The following SOX5 variants were observed in gnomAD, a reference collection of about 807,000 sequenced individuals.
SOX5 encodes transcription factor SOX-5.
SOX5 carries 9 observed loss-of-function variants against 92.0 expected under a neutral mutation model. The ratio of observed to expected loss-of-function variants is 0.10; its 90% CI spans 0.06 to 0.17. The LOEUF (loss-of-function observed/expected upper bound fraction) is 0.17, where lower values mean the gene tolerates loss of function less well. Among genes scored for constraint, SOX5 ranks in the 10% least tolerant of loss-of-function variants. SOX5 has a pLI of 1.00. For synonymous variants in SOX5, 344 were observed against 336.3 expected, an observed-to-expected ratio of 1.02 and a Z score of -0.25; for missense variants, 642 against 944.5, an observed-to-expected ratio of 0.68 and a Z score of 4.20.
At chr12:23,791,714 AC>A (rs1429806089) in intron 3 of SOX5, among the ~76,000 whole-genome samples, 1 of 152,150 alleles carries the variant, frequency 6.6e-6, no homozygotes, top group East Asian at 1.9e-4. Context: ...TCACCCACTT[AC>A]TTTGTTTATA....
chr12:23,614,741 T>C (rs2076352172), intron 8 of SOX5, among the ~76,000 whole-genome samples: 1 of 152,218 alleles, frequency 6.6e-6, no homozygotes, highest in Non-Finnish European at 1.5e-5. Context: ...CAGACTTTTC[T>C]GAAGTGGCTG....
At chr12:23,718,866 G>A (rs184663573) in intron 6 of SOX5, among the ~76,000 whole-genome samples, 471 of 152,196 alleles carry the variant, frequency 3.1e-3, no homozygotes, top group African/African-American at 0.011. Flanking sequence ...GTTCTCAATA[G>A]GGCAGTAAAA....
chr12:23,991,660 T>C (rs1278259603), intron 4 of SOX5, among the ~76,000 whole-genome samples: 1 of 151,916 alleles, frequency 6.6e-6, no homozygotes, highest in Non-Finnish European at 1.5e-5. Flanking sequence ...TAATTTTAAC[T>C]ACTTCAATTT....
intron 4 of SOX5, among the ~76,000 whole-genome samples, chr12:23,961,557 C>T (rs75164404): frequency 0.031 from 4,679 of 152,202 alleles, 99 homozygotes; most frequent in South Asian, 0.073. Context: ...ATAAGGCTAA[C>T]GTCTACTCAT....
rs569059974 is a variant in SOX5, at chr12:24,520,892, T to C, written c.-251+41437A>G. The stretch of plus-strand genomic sequence containing the variant: ...AAATCTATAGCTAGCTATAGCTGTC[T>C]CTAGAGACAAAGAACATCATTATAT... On this transcript the variant is annotated intron_variant, in intron 1 of 4. Transcript: ENST00000446891. 2.0e-5 allele frequency among the ~76,000 whole-genome samples: 3 copies of C among 152,314 alleles called. No individual in the cohort carries two copies. In the East Asian group the frequency reaches 5.8e-4, roughly 29 times the overall value.
chr12:24,045,793 T>C (rs1397487486), intron 4 of SOX5, among the ~76,000 whole-genome samples: 1 of 152,188 alleles, frequency 6.6e-6, no homozygotes, highest in African/African-American at 2.4e-5. Context: ...GGGGAATCCT[T>C]TACACATTTC....
At chr12:23,944,785 T>C (rs1366407720) in intron 1 of SOX5, among the ~76,000 whole-genome samples, 1 of 152,130 alleles carries the variant, frequency 6.6e-6, no homozygotes, top group Admixed American at 6.6e-5. Context: ...AAATTTTTCA[T>C]TAGGAAGGAG....
intron 4 of SOX5, among the ~76,000 whole-genome samples, chr12:24,030,853 C>A (rs1955424647): frequency 6.6e-6 from 1 of 151,746 alleles, no homozygotes; most frequent in Non-Finnish European, 1.5e-5. Flanking sequence ...AGCAACAAGA[C>A]AAATCATCAA....
At chr12:24,436,751 C>T (rs933153110) in intron 1 of SOX5, among the ~76,000 whole-genome samples, 1 of 152,326 alleles carries the variant, frequency 6.6e-6, no homozygotes, top group East Asian at 1.9e-4. Flanking sequence ...AGGACTTTCA[C>T]AGCTAGAGAG....
intron 1 of SOX5, among the ~76,000 whole-genome samples, chr12:24,547,483 G>A (rs945716710): frequency 2.6e-5 from 4 of 152,144 alleles, no homozygotes; most frequent in African/African-American, 9.7e-5. Context: ...GAGCCACCGC[G>A]CCCGGCCTAT....
At chr12:24,168,916 G>A (rs1953741721) in intron 4 of SOX5, among the ~76,000 whole-genome samples, 1 of 152,000 alleles carries the variant, frequency 6.6e-6, no homozygotes, top group South Asian at 2.1e-4. Flanking sequence ...AACCTAGTAT[G>A]CTATCCCTAT....
intron 6 of SOX5, among the ~76,000 whole-genome samples, chr12:23,719,376 G>A (rs1160246148): frequency 3.3e-5 from 5 of 152,008 alleles, no homozygotes; most frequent in Non-Finnish European, 7.4e-5. Context: ...AGATTCACAA[G>A]GTTTCTAAGC....
intron 1 of SOX5, among the ~76,000 whole-genome samples, chr12:24,491,889 G>T (rs1473989297): frequency 6.6e-6 from 1 of 151,084 alleles, no homozygotes; most frequent in East Asian, 2.0e-4. Flanking sequence ...GTTTTGTTTT[G>T]TTTTTTTAAG....
chr12:23,914,462 G>GTATA (rs2097390096), intron 1 of SOX5, among the ~76,000 whole-genome samples: 1 of 152,050 alleles, frequency 6.6e-6, no homozygotes, highest in African/African-American at 2.4e-5. Context: ...TTTCCTTGAG[G>GTATA]TATATCTAGA....
intron 9 of SOX5, among the ~76,000 whole-genome samples, chr12:23,585,265 A>C (rs1950563991): frequency 1.3e-5 from 2 of 152,182 alleles, no homozygotes; most frequent in African/African-American, 4.8e-5. Flanking sequence ...AGTTCTTCTC[A>C]GTCTTCAGAA....
intron 4 of SOX5, among the ~76,000 whole-genome samples, chr12:24,181,480 G>C (rs1565603814): frequency 6.6e-6 from 1 of 152,088 alleles, no homozygotes; most frequent in Admixed American, 6.6e-5. Flanking sequence ...CTCTTCTTTT[G>C]CCTGTTTATA....
chr12:24,191,786 T>G (rs2139415106), intron 4 of SOX5, among the ~76,000 whole-genome samples: 1 of 152,296 alleles, frequency 6.6e-6, no homozygotes. Context: ...TTGTTTAGCC[T>G]GTGTGTCCTA....
In SOX5 at chr12:23,762,621, A is replaced by AAT. The variant is rs888352864; in HGVS notation, c.482-6898_482-6897insAT. On this transcript the variant is annotated intron_variant, in intron 3 of 14. Transcript: ENST00000451604. Reference sequence around the variant, plus strand: ...GCCTGTTAATACAAAAAGAAAAAAAAAAAAGTCTTTGGCTGACTCAAGTTT... The same window carrying AAT: ...GCCTGTTAATACAAAAAGAAAAAAAAATAAAAGTCTTTGGCTGACTCAAGTTT... 7 of 541,750 alleles carry AAT rather than the reference A, an allele frequency of 1.3e-5. No homozygotes were observed. In the African/African-American group the frequency reaches 1.4e-4, roughly 11 times the overall value. 33.6% of individuals were successfully genotyped at this position (541,750 alleles called of 1,614,324 possible).
At chr12:23,995,002 C>T (rs1352285902) in intron 4 of SOX5, among the ~76,000 whole-genome samples, 1 of 152,184 alleles carries the variant, frequency 6.6e-6, no homozygotes, top group Non-Finnish European at 1.5e-5. Context: ...TCAATCTGTG[C>T]AAGGGATGAT....
Sources: gnomAD v4.1 joint callset for allele counts (sites outside exome capture counted in the v4.1 genomes callset) on GRCh38, gnomAD v4.1.1 for gene constraint, MANE v1.5 for transcripts, NCBI Gene and HGNC (gene_info 2026-07-23, HGNC 2026-07-21) for gene names.